DMD: variants seen among roughly 807,000 people sequenced by gnomAD.
DMD encodes mutant dystrophin.
Under a neutral mutation model 330.1 loss-of-function variants are expected in DMD, and 63 were observed. The ratio of observed to expected loss-of-function variants is 0.19; its 90% CI spans 0.16 to 0.24. The LOEUF is 0.24. Ranked by LOEUF, DMD falls within the 10% of genes least tolerant of loss-of-function variation. The probability of loss-of-function intolerance (pLI) is 1.00; values close to 1 mark genes in which losing one functional copy is unlikely to be tolerated. For synonymous variants in DMD, 1,223 were observed against 959.8 expected (o/e 1.27, Z -5.07); for missense variants, 3,344 against 2,684.1 (o/e 1.25, Z -5.43).
chrX:31,280,425 G>T (rs1283343223), intron 62 of DMD, among the ~76,000 whole-genome samples: 1 of 111,003 alleles, frequency 9.0e-6, no homozygotes, highest in Non-Finnish European at 1.9e-5. Flanking sequence ...GACGATCAGT[G>T]GTTGCCTAGA....
intron 56 of DMD, among the ~76,000 whole-genome samples, chrX:31,501,752 G>A (rs936048119): frequency 8.9e-6 from 1 of 112,131 alleles, no homozygotes; most frequent in Non-Finnish European, 1.9e-5. Flanking sequence ...TTCTTAAAGT[G>A]AAATGTGTTA....
chrX:32,491,097 G>A (rs1271219440), intron 20 of DMD, among the ~76,000 whole-genome samples, 180 bp downstream of exon 20: 1 of 112,420 alleles, frequency 8.9e-6, no homozygotes, highest in African/African-American at 3.2e-5. Context: ...TAGAATCCGG[G>A]TATCTACGTC....
At chrX:33,157,912 G>A (rs1424637864) in intron 1 of DMD, among the ~76,000 whole-genome samples, 2 of 111,872 alleles carry the variant, frequency 1.8e-5, no homozygotes, top group East Asian at 5.7e-4. Context: ...AGCTGAGATC[G>A]CACCATTGCA....
rs1265867426 is a variant in DMD, at chrX:32,741,195, T to C, written c.650-41902A>G. Among the ~76,000 whole-genome samples, 8 of 111,385 alleles carry C rather than the reference T, an allele frequency of 7.2e-5. No individual in the cohort carries two copies. The Admixed American group carries it at 7.7e-4, about 11-fold the overall frequency. ...CTGGACATAGCTAATCACACGGATATTGCCACTAAATGTACTTCCATTTTA... is the reference window on the plus strand; with the variant it reads ...CTGGACATAGCTAATCACACGGATACTGCCACTAAATGTACTTCCATTTTA... On this transcript the variant is annotated intron_variant, in intron 7 of 78. Coordinates refer to ENST00000357033, the MANE Select transcript of DMD (RefSeq NM_004006.3).
intron 44 of DMD, among the ~76,000 whole-genome samples, chrX:32,199,784 G>T (rs1370820889): frequency 3.0e-5 from 1 of 33,483 alleles, no homozygotes; most frequent in African/African-American, 9.0e-5. Context: ...AGGCTTTTGT[G>T]TGTGTGTGTG....
intron 37 of DMD, among the ~76,000 whole-genome samples, chrX:32,355,248 T>C (rs1047601819): frequency 6.3e-5 from 7 of 111,038 alleles, no homozygotes; most frequent in African/African-American, 2.3e-4. Flanking sequence ...ATAGAGGCAG[T>C]AAACTATGCT....
intron 64 of DMD, among the ~76,000 whole-genome samples, chrX:31,220,797 C>T (rs1205779794): frequency 9.0e-6 from 1 of 110,522 alleles, no homozygotes; most frequent in African/African-American, 3.3e-5. Context: ...CCCTTTCACC[C>T]ACCACATCAA....
intron 7 of DMD, among the ~76,000 whole-genome samples, chrX:32,724,738 G>T (rs1222720209): frequency 9.0e-6 from 1 of 110,827 alleles, no homozygotes; most frequent in Non-Finnish European, 1.9e-5. Flanking sequence ...TTCTCTTCTG[G>T]GTTTATAATG....
intron 62 of DMD, among the ~76,000 whole-genome samples, chrX:31,286,095 T>A (rs1313894719): frequency 8.9e-6 from 1 of 112,145 alleles, no homozygotes; most frequent in Non-Finnish European, 1.9e-5. Flanking sequence ...AAGCTTTTCA[T>A]ATTTTGATGC....
At chrX:31,768,145 C>G (rs1347378880) in intron 51 of DMD, among the ~76,000 whole-genome samples, 2 of 111,183 alleles carry the variant, frequency 1.8e-5, no homozygotes, top group Non-Finnish European at 3.8e-5. Context: ...GTGAATTATC[C>G]TGAACACCTG....
chrX:32,791,130 G>A (rs1390226530), intron 7 of DMD, among the ~76,000 whole-genome samples: 4 of 111,564 alleles, frequency 3.6e-5, no homozygotes, highest in Non-Finnish European at 7.5e-5. Flanking sequence ...CAACCTACAT[G>A]CACCATCTGC....
chrX:32,864,273 A>G (rs56953825), intron 2 of DMD, among the ~76,000 whole-genome samples: 1,272 of 111,994 alleles, frequency 0.011, 22 homozygotes, highest in African/African-American at 0.039. Context: ...CAGACACAAT[A>G]TAAGTAACTT....
At chrX:32,922,255 T>C (rs1293924337) in intron 2 of DMD, among the ~76,000 whole-genome samples, 1 of 110,900 alleles carries the variant, frequency 9.0e-6, no homozygotes, top group Admixed American at 9.6e-5. Context: ...TTTCCTTCAA[T>C]GTATACTCTC....
chrX:31,160,622 C>G (rs745629121), intron 74 of DMD, among the ~76,000 whole-genome samples: 5 of 111,998 alleles, frequency 4.5e-5, no homozygotes, highest in Non-Finnish European at 9.4e-5. Flanking sequence ...CAAAGCTAAT[C>G]AGGTTTCTTC....
chrX:31,259,304 G>C (rs1215840194), intron 63 of DMD, among the ~76,000 whole-genome samples: 3 of 111,892 alleles, frequency 2.7e-5, no homozygotes, highest in African/African-American at 9.7e-5. Flanking sequence ...TTTGTGGACA[G>C]ATTTCTAGTT....
At chrX:33,171,549 T>A (rs1397816524) in intron 1 of DMD, among the ~76,000 whole-genome samples, 1 of 111,377 alleles carries the variant, frequency 9.0e-6, no homozygotes, top group African/African-American at 3.3e-5. Context: ...TTTCACCTAC[T>A]CGTAGGTTAT....
At chrX:32,304,850 G>A (rs762202413) in intron 42 of DMD, among the ~76,000 whole-genome samples, 1 of 111,214 alleles carries the variant, frequency 9.0e-6, no homozygotes, top group Non-Finnish European at 1.9e-5. Context: ...AAGTCACAAT[G>A]TATTAATAAA....
chrX:31,208,959 A>C (rs143544143), intron 65 of DMD, among the ~76,000 whole-genome samples: 283 of 112,190 alleles, frequency 2.5e-3, no homozygotes, highest in African/African-American at 9.0e-3. Context: ...AAACTTCATA[A>C]AATCTTATTA....
intron 41 of DMD, among the ~76,000 whole-genome samples, chrX:32,320,222 T>A (rs772053752): frequency 9.0e-6 from 1 of 111,006 alleles, no homozygotes; most frequent in Non-Finnish European, 1.9e-5. Flanking sequence ...CCTCAGAAAA[T>A]GTGGACACTA....
Sources: allele counts gnomAD v4.1 joint callset (sites outside exome capture counted in the v4.1 genomes callset), GRCh38; gene constraint gnomAD v4.1.1; transcripts MANE v1.5; gene names NCBI Gene and HGNC (gene_info 2026-07-23, HGNC 2026-07-21).